Variants in PLCL1 observed in about 807,000 individuals in gnomAD.
PLCL1 encodes inactive phospholipase C-like protein 1.
PLCL1 carries 41 observed loss-of-function variants against 84.4 expected under a neutral mutation model. That is an observed-to-expected ratio of 0.49 (90% confidence interval 0.38 to 0.63). The LOEUF (loss-of-function observed/expected upper bound fraction) is 0.63, where lower values mean the gene tolerates loss of function less well. Ranked by LOEUF, PLCL1 falls within the 30% of genes least tolerant of loss-of-function variation. PLCL1 has a pLI of 0.00. For synonymous variants in PLCL1, 490 were observed against 488.3 expected (o/e 1.00, Z -0.05); for missense variants, 1,206 against 1,367.8 (o/e 0.88, Z 1.87).
chr2:197,983,383 C>T (rs1690158408), intron 1 of PLCL1, among the ~76,000 whole-genome samples: 3 of 151,640 alleles, frequency 2.0e-5, no homozygotes, highest in Admixed American at 2.0e-4. Context: ...GCGTGTACCA[C>T]CACGCTTGGC....
intron 1 of PLCL1, among the ~76,000 whole-genome samples, chr2:197,983,201 T>TTTTTTTC (rs1690152629): frequency 1.1e-4 from 1 of 9,056 alleles, no homozygotes; most frequent in African/African-American, 6.0e-4. Flanking sequence ...TTTTCTTTTC[T>TTTTTTTC]TTTTTTTTTT....
At chr2:197,897,539 CCTAA>C (rs1464587393) in intron 1 of PLCL1, among the ~76,000 whole-genome samples, 2 of 151,752 alleles carry the variant, frequency 1.3e-5, no homozygotes, top group African/African-American at 4.8e-5. Context: ...AATAAGGGTA[CCTAA>C]CTTATTTTTT....
In PLCL1 at chr2:198,043,941, T is replaced by C. The variant is rs1406687326; in HGVS notation, c.241-39817T>C. 2.0e-5 allele frequency among the ~76,000 whole-genome samples: 3 copies of C among 151,868 alleles called. No homozygotes were observed. In the East Asian group the frequency reaches 5.8e-4, roughly 29 times the overall value. Reference sequence around the variant, plus strand: ...TGTCACACATTTCTTTTACTTTCTCTGTGTATTTGTACCTTTCTTTCCACT... The same window carrying C: ...TGTCACACATTTCTTTTACTTTCTCCGTGTATTTGTACCTTTCTTTCCACT... On this transcript the variant is annotated intron_variant, in intron 1 of 5. Transcript: ENST00000428675.
intron 1 of PLCL1, among the ~76,000 whole-genome samples, chr2:197,810,820 C>T (rs1366285214): frequency 6.6e-6 from 1 of 152,108 alleles, no homozygotes; most frequent in Non-Finnish European, 1.5e-5. Flanking sequence ...TTAAAAATAA[C>T]TCCACATTCA....
chr2:197,856,113 G>T (rs75551693), intron 1 of PLCL1, among the ~76,000 whole-genome samples: 2,241 of 152,228 alleles, frequency 0.015, 63 homozygotes, highest in African/African-American at 0.051. Flanking sequence ...ACAATTTTGA[G>T]TTACTTGTCT....
Position 198,014,184 on chromosome 2 carries a change from C to T in PLCL1, c.241-69574C>T, listed in dbSNP as rs550541176. ...GGAACTGGTGTGCTACACATGAGGACATGCTCTGCCTTAATAATTCTCTGG... is the reference window on the plus strand; with the variant it reads ...GGAACTGGTGTGCTACACATGAGGATATGCTCTGCCTTAATAATTCTCTGG... On this transcript the variant is annotated intron_variant, in intron 1 of 5. Coordinates refer to ENST00000428675, the MANE Select transcript of PLCL1 (RefSeq NM_006226.4). Among the ~76,000 whole-genome samples, 5 of 152,250 alleles carry T rather than the reference C, an allele frequency of 3.3e-5. No homozygotes were observed. The South Asian group carries it at 1.0e-3, about 32-fold the overall frequency.
chr2:197,958,351 G>C (rs1689532974), intron 1 of PLCL1, among the ~76,000 whole-genome samples: 1 of 149,402 alleles, frequency 6.7e-6, no homozygotes, highest in African/African-American at 2.5e-5. Flanking sequence ...ATTAACCATA[G>C]CTTATGAGCT....
At chr2:198,127,813 T>C (rs1334623037) in intron 5 of PLCL1, among the ~76,000 whole-genome samples, 6 of 152,150 alleles carry the variant, frequency 3.9e-5, no homozygotes, top group Non-Finnish European at 4.4e-5. Flanking sequence ...CAGCAGGCAC[T>C]CCCTACCTAA....
rs111829533 is a variant in PLCL1 at position 197,829,643 on chromosome 2, T to G, written c.240+24304T>G. Among the ~76,000 whole-genome samples, 26 of 152,326 alleles carry G rather than the reference T, an allele frequency of 1.7e-4. 3 individuals are homozygous for G. The highest frequency in any genetic ancestry group is 6.0e-4 in the African/African-American group (25 of 41,588). On this transcript the variant is annotated intron_variant, in intron 1 of 5. Coordinates refer to ENST00000428675, the MANE Select transcript of PLCL1 (RefSeq NM_006226.4). ...GTTTCACCAAATGTTTTTGTTTGCT[T>G]TATGATTAATAGTGATTTGCCTTTC... is the stretch of plus-strand genomic sequence containing the variant.
intron 1 of PLCL1, among the ~76,000 whole-genome samples, chr2:197,919,949 T>A (rs1688673219): frequency 6.6e-6 from 1 of 152,206 alleles, no homozygotes. Flanking sequence ...TGTGTGATCT[T>A]GGGCAACTTC....
At chr2:197,848,286 T>A (rs1336958831) in intron 1 of PLCL1, among the ~76,000 whole-genome samples, 1 of 152,158 alleles carries the variant, frequency 6.6e-6, no homozygotes, top group East Asian at 1.9e-4. Flanking sequence ...ACGAACATGC[T>A]GTTTATGAAG....
chr2:197,983,103 T>C (rs1476857009), intron 1 of PLCL1, among the ~76,000 whole-genome samples: 1 of 151,770 alleles, frequency 6.6e-6, no homozygotes, highest in Non-Finnish European at 1.5e-5. Flanking sequence ...TGAGGAGTTA[T>C]TATTTGCTTC....
At chr2:198,020,645 A>G (rs1406304093) in intron 1 of PLCL1, among the ~76,000 whole-genome samples, 1 of 152,160 alleles carries the variant, frequency 6.6e-6, no homozygotes, top group Non-Finnish European at 1.5e-5. Context: ...TCAAAAAAGA[A>G]AAAGAAGGGC....
chr2:198,046,442 C>T (rs67031482), intron 1 of PLCL1, among the ~76,000 whole-genome samples: 69,301 of 152,016 alleles, frequency 0.46, 16,344 homozygotes, highest in Middle Eastern at 0.65. Context: ...ACGCAGAAGA[C>T]GGGTGATTTC....
chr2:197,941,673 C>G (rs766889428), intron 1 of PLCL1, among the ~76,000 whole-genome samples: 4 of 152,188 alleles, frequency 2.6e-5, no homozygotes, highest in Admixed American at 6.5e-5. Context: ...CACCTTGGAA[C>G]AAGAAGGTGC....
chr2:198,009,882 A>G (rs902516178), intron 1 of PLCL1, among the ~76,000 whole-genome samples: 15 of 151,982 alleles, frequency 9.9e-5, no homozygotes, highest in African/African-American at 3.4e-4. Context: ...TTCTCAGTGT[A>G]TAAGTCTTTT....
intron 1 of PLCL1, among the ~76,000 whole-genome samples, chr2:197,812,081 C>A (rs1341012312): frequency 6.6e-6 from 1 of 152,174 alleles, no homozygotes; most frequent in Non-Finnish European, 1.5e-5. Flanking sequence ...TTTTCTATTT[C>A]TGCATTAGTT....
intron 1 of PLCL1, among the ~76,000 whole-genome samples, chr2:198,013,965 T>C (rs1690931421): frequency 6.6e-6 from 1 of 152,084 alleles, no homozygotes; most frequent in African/African-American, 2.4e-5. Flanking sequence ...TCTGCGCTCT[T>C]TATGGCCACA....
intron 1 of PLCL1, among the ~76,000 whole-genome samples, chr2:198,037,315 A>G (rs1448514847): frequency 6.6e-6 from 1 of 152,218 alleles, no homozygotes; most frequent in Admixed American, 6.5e-5. Context: ...GGATAAATGT[A>G]CAGTCTTGAT....
Sources: gnomAD v4.1 joint callset for allele counts (sites outside exome capture counted in the v4.1 genomes callset) on GRCh38, gnomAD v4.1.1 for gene constraint, MANE v1.5 for transcripts, NCBI Gene and HGNC (gene_info 2026-07-23, HGNC 2026-07-21) for gene names.